Variants in ARHGEF28 observed in about 807,000 individuals in gnomAD.
ARHGEF28 encodes 190 kDa guanine nucleotide exchange factor.
ARHGEF28 carries 152 observed loss-of-function variants against 206.6 expected under a neutral mutation model. That is an observed-to-expected ratio of 0.74 (90% CI 0.64 to 0.84). ARHGEF28 has a LOEUF of 0.84. Among genes scored for constraint, ARHGEF28 ranks in the 40% least tolerant of loss-of-function variants. ARHGEF28 has a pLI of 0.00. For synonymous variants in ARHGEF28, 763 were observed against 776.4 expected (o/e 0.98, Z 0.29); for missense variants, 2,028 against 2,073.2 (o/e 0.98, Z 0.42).
At chr5:73,893,422 C>G in intron 28 of ARHGEF28, 134 bp downstream of exon 28, 1 of 510,308 alleles carries the variant, frequency 2.0e-6, no homozygotes, top group South Asian at 6.4e-5. Flanking sequence ...ACCACCCTCC[C>G]GAGAAACTTA....
intron 2 of ARHGEF28, among the ~76,000 whole-genome samples, chr5:73,747,918 C>T (rs1404353009): frequency 2.0e-5 from 3 of 152,092 alleles, no homozygotes; most frequent in Non-Finnish European, 2.9e-5. Flanking sequence ...TAGTCCTTGT[C>T]CACCCAACCG....
intron 7 of ARHGEF28, chr5:73,786,274 C>A (rs2112470783): frequency 6.6e-6 from 1 of 152,244 alleles, no homozygotes; most frequent in Middle Eastern, 3.4e-3. Flanking sequence ...ATCCTACGCA[C>A]TTTATGCATG....
At position 73,846,431 on chromosome 5, in the gene ARHGEF28, T is replaced by C; in HGVS notation, c.1591T>C (p.Ser531Pro). ...TAACACTGAACCGGATTTTAATATC[T>C]CCAGGGCTGAATCCCTTCCTCTATC... ...ETNTEPDFNI[S>P]RAESLPLSSN... is the part of the protein sequence containing the mutation. The change falls in exon 12 of 36, where the codon TCC becomes CCC. Residue 531 changes from serine to proline, a missense_variant. Ser to Pro is a moderately conservative substitution (Grantham distance 74). Around this residue, in one of 3 missense-constraint regions of ARHGEF28, gnomAD observed 1,002 missense variants for 1,015.3 expected, o/e 0.99. Coordinates refer to ENST00000513042, the MANE Select transcript of ARHGEF28 (RefSeq NM_001177693.2). The C allele has an allele frequency of 1.2e-6, 2 of 1,614,002 alleles. No homozygotes were observed. Among genetic ancestry groups the C allele is most frequent in the Admixed American group, 1.7e-5 (1 of 60,022 alleles).
intron 1 of ARHGEF28, among the ~76,000 whole-genome samples, chr5:73,630,697 A>G (rs1218358140): frequency 2.0e-5 from 3 of 152,138 alleles, no homozygotes; most frequent in Non-Finnish European, 4.4e-5. Context: ...GAATATTCCT[A>G]CTGGAACCCT....
At chr5:73,761,501 T>C (rs1437046524) in intron 4 of ARHGEF28, among the ~76,000 whole-genome samples, 1 of 151,988 alleles carries the variant, frequency 6.6e-6, no homozygotes, top group Non-Finnish European at 1.5e-5. Flanking sequence ...CTTAGGGAAA[T>C]GAATAATTGT....
intron 9 of ARHGEF28, among the ~76,000 whole-genome samples, chr5:73,810,030 A>G (rs184420598): frequency 2.0e-4 from 31 of 152,320 alleles, no homozygotes; most frequent in Admixed American, 1.9e-3. Flanking sequence ...ACCCACTTCA[A>G]TTACTATAGA....
intron 1 of ARHGEF28, among the ~76,000 whole-genome samples, chr5:73,666,300 A>G (rs1014043722): frequency 5.9e-5 from 9 of 152,154 alleles, no homozygotes; most frequent in Admixed American, 5.2e-4. Flanking sequence ...GCCCTGCCCT[A>G]TATCTTTGTT....
At chr5:73,657,493 C>G (rs965438096) in intron 1 of ARHGEF28, among the ~76,000 whole-genome samples, 3 of 152,118 alleles carry the variant, frequency 2.0e-5, no homozygotes, top group African/African-American at 7.2e-5. Flanking sequence ...AATATTCGAT[C>G]AGTCTATCAT....
At chr5:73,872,954 C>CTTTTTTTTTTTTTTTTTT (rs1222379413) in intron 21 of ARHGEF28, 45 bp from the exon 22 acceptor site, 1 of 1,589,900 alleles carries the variant, frequency 6.3e-7, no homozygotes, top group East Asian at 2.2e-5. Flanking sequence ...GCGAAACTTG[C>CTTTTTTTTTTTTTTTTTT]TTTTTAAAGC....
At chr5:73,770,634 A>G (rs569538255) in intron 4 of ARHGEF28, among the ~76,000 whole-genome samples, 17 of 152,326 alleles carry the variant, frequency 1.1e-4, no homozygotes, top group East Asian at 7.7e-4. Flanking sequence ...CTGAAACTCT[A>G]TAACAGGCAG....
intron 9 of ARHGEF28, among the ~76,000 whole-genome samples, chr5:73,814,341 T>C (rs569918915): frequency 4.5e-4 from 68 of 152,198 alleles, no homozygotes; most frequent in Middle Eastern, 6.8e-3. Context: ...TGATTGATAA[T>C]GGAATGGGTT....
At chr5:73,643,026 A>G (rs1273510520) in intron 1 of ARHGEF28, among the ~76,000 whole-genome samples, 2 of 152,230 alleles carry the variant, frequency 1.3e-5, no homozygotes, top group African/African-American at 4.8e-5. Flanking sequence ...CACACATGCT[A>G]TGAGTATTTG....
intron 35 of ARHGEF28, among the ~76,000 whole-genome samples, chr5:73,922,686 A>G (rs1763584809): frequency 6.6e-6 from 1 of 152,178 alleles, no homozygotes; most frequent in African/African-American, 2.4e-5. Flanking sequence ...TGTTTTTGGA[A>G]TGTTCTTATA....
chr5:73,858,306 A>G (rs1021386616), intron 16 of ARHGEF28, 87 bp downstream of exon 16: 80 of 1,463,528 alleles, frequency 5.5e-5, no homozygotes, highest in Non-Finnish European at 6.5e-5. Flanking sequence ...ATACATTTAC[A>G]TAAACCTTTT....
intron 2 of ARHGEF28, among the ~76,000 whole-genome samples, chr5:73,726,534 C>A (rs915374405): frequency 1.3e-5 from 2 of 152,126 alleles, no homozygotes; most frequent in Non-Finnish European, 2.9e-5. Context: ...GATTGGCCCA[C>A]AAATAGGTAA....
chr5:73,904,375 G>T lies in ARHGEF28; in HGVS notation c.4131G>T (p.Gln1377His). 6.2e-7 allele frequency: 1 copy of T among 1,612,968 alleles called. No homozygotes were observed. The highest frequency in any genetic ancestry group is 2.2e-5 in the East Asian group (1 of 44,864). Residue 1377 changes from glutamine (Q) to histidine (H), a missense_variant, in exon 33 of 36, where the codon CAG becomes CAT. Transcript: ENST00000513042. ...TTTTTCAGATTATACAAGCCATACA[G>T]AATTTAACCCGTCTCTTATACAGCC... ...SSQSEIIQAI[Q>H]NLTRLLYSLQ...
chr5:73,776,697 G>C lies in ARHGEF28; in HGVS notation c.840+1G>C. On this transcript the variant is annotated splice_donor_variant, in intron 6 of 35. Coordinates refer to ENST00000513042, the MANE Select transcript of ARHGEF28 (RefSeq NM_001177693.2). LOFTEE classifies it high-confidence loss of function. ...TTGGGATAGAGCCTTTCTTGTCAAG[G>C]TTTGTACATAGTGATTCTAGCATGT... 1 of 1,609,290 alleles carries C rather than the reference G, an allele frequency of 6.2e-7. No homozygotes were observed. The highest frequency in any genetic ancestry group is 1.1e-5 in the South Asian group (1 of 90,296).
intron 1 of ARHGEF28, among the ~76,000 whole-genome samples, chr5:73,668,541 A>T (rs1327043361): frequency 6.6e-6 from 1 of 152,230 alleles, no homozygotes; most frequent in African/African-American, 2.4e-5. Context: ...GAGACCTCTT[A>T]AAGGTTCCAC....
At chr5:73,935,822 C>T (rs1175343735) in intron 35 of ARHGEF28, among the ~76,000 whole-genome samples, 1 of 152,030 alleles carries the variant, frequency 6.6e-6, no homozygotes, top group African/African-American at 2.4e-5. Flanking sequence ...AAGAATAGAG[C>T]CAAGGCTCAG....
Sources: gnomAD v4.1 joint callset for allele counts (sites outside exome capture counted in the v4.1 genomes callset) on GRCh38, gnomAD v4.1.1 for gene constraint, gnomAD v4.1.1 regional missense constraint, MANE v1.5 for transcripts, NCBI Gene and HGNC (gene_info 2026-07-23, HGNC 2026-07-21) for gene names.